PGM5: variants seen among roughly 807,000 people sequenced by gnomAD.
PGM5 encodes phosphoglucomutase-like protein 5.
Under a neutral mutation model 59.2 loss-of-function variants are expected in PGM5, and 23 were observed. The observed-to-expected ratio is 0.39, with a 90% CI of 0.28 to 0.55. The LOEUF is 0.55. Among genes scored for constraint, PGM5 ranks in the 20% least tolerant of loss-of-function variants. The probability of loss-of-function intolerance (pLI) is 0.66; values close to 1 mark genes in which losing one functional copy is unlikely to be tolerated. For missense variants in PGM5, 574 were observed against 748.3 expected (o/e 0.77, Z 2.72); for synonymous variants, 214 against 286.0 (o/e 0.75, Z 2.54).
intron 6 of PGM5, among the ~76,000 whole-genome samples, chr9:68,442,691 T>C (rs185056896): frequency 6.6e-6 from 1 of 152,330 alleles, no homozygotes; most frequent in Admixed American, 6.5e-5. Flanking sequence ...GTATAATCTT[T>C]TCAACATATT....
At chr9:68,431,244 T>C (rs558569415) in intron 6 of PGM5, among the ~76,000 whole-genome samples, 1 of 152,326 alleles carries the variant, frequency 6.6e-6, no homozygotes, top group South Asian at 2.1e-4. Flanking sequence ...GCCTTCCCAC[T>C]ACTCGCCAAC....
chr9:68,464,228 A>T (rs1412487462), intron 6 of PGM5, among the ~76,000 whole-genome samples: 3 of 152,236 alleles, frequency 2.0e-5, no homozygotes, highest in African/African-American at 7.2e-5. Context: ...TAGGTTCCCC[A>T]GGAAGCAGCT....
chr9:68,428,604 G>A (rs1587806516), intron 6 of PGM5: 1 of 152,180 alleles, frequency 6.6e-6, no homozygotes, highest in East Asian at 1.9e-4. Flanking sequence ...AGCCTGTCAG[G>A]AGTATGGAAA....
intron 6 of PGM5, among the ~76,000 whole-genome samples, chr9:68,444,019 GA>G (rs1188112207): frequency 1.1e-4 from 16 of 151,540 alleles, no homozygotes; most frequent in African/African-American, 3.9e-4. Flanking sequence ...ATCTTGAGGA[GA>G]TTGCATGTGC....
intron 6 of PGM5, among the ~76,000 whole-genome samples, chr9:68,434,043 G>A (rs937404368): frequency 7.9e-5 from 12 of 152,144 alleles, no homozygotes; most frequent in African/African-American, 2.2e-4. Flanking sequence ...TGGGCCAGAC[G>A]CAGTGGCTCA....
intron 6 of PGM5, among the ~76,000 whole-genome samples, chr9:68,424,583 C>G (rs1031025630): frequency 6.6e-6 from 1 of 152,188 alleles, no homozygotes. Context: ...AAAGCTATAG[C>G]ACTACTCACA....
At chr9:68,456,649 GA>G (rs1823784017) in intron 6 of PGM5, among the ~76,000 whole-genome samples, 2 of 116,012 alleles carry the variant, frequency 1.7e-5, no homozygotes, top group African/African-American at 6.9e-5. Flanking sequence ...CCTTGAAACA[GA>G]ATATTACTCT....
Position 68,499,276 on chromosome 9 carries a change from G to C in PGM5, c.1529G>C (p.Ser510Thr). Residue 510 changes from serine (S) to threonine (T), a missense_variant, in exon 10 of 11, where the codon AGT (serine) becomes ACT (threonine). Transcript: ENST00000396396. ...GCATCACGGCTCATCTTCCGGCTCA[G>C]TTCCTCCAGTGGTGTGCGGGCCACC... is the stretch of plus-strand genomic sequence containing the variant. Reference protein sequence around the residue: ...SDASRLIFRLSSSSGVRATLR... With the variant: ...SDASRLIFRLTSSSGVRATLR... 2 of 1,614,182 alleles carry C rather than the reference G, an allele frequency of 1.2e-6. No individual in the cohort carries two copies. The highest frequency in any genetic ancestry group is 1.3e-5 in the African/African-American group (1 of 75,014).
chr9:68,383,711 T>A, intron 2 of PGM5, among the ~76,000 whole-genome samples: 1 of 108,148 alleles, frequency 9.2e-6, no homozygotes, highest in African/African-American at 3.5e-5. Flanking sequence ...AAAAAAAATC[T>A]GAAATGGCTT....
intron 6 of PGM5, among the ~76,000 whole-genome samples, chr9:68,406,997 T>A (rs1322911236): frequency 4.2e-4 from 64 of 152,160 alleles, no homozygotes; most frequent in African/African-American, 1.4e-3. Context: ...CAGAGGACTC[T>A]GCTGTGTGAA....
chr9:68,366,998 C>G (rs1280815745), intron 1 of PGM5, among the ~76,000 whole-genome samples: 2 of 152,084 alleles, frequency 1.3e-5, no homozygotes, highest in Non-Finnish European at 2.9e-5. Context: ...TTCCTCTTGA[C>G]TTTTGGCATT....
At chr9:68,482,485 A>C (rs1554687195) in intron 8 of PGM5, among the ~76,000 whole-genome samples, 2 of 152,198 alleles carry the variant, frequency 1.3e-5, no homozygotes, top group Admixed American at 1.3e-4. Flanking sequence ...CCATTGCTAG[A>C]CATGGTATTA....
intron 1 of PGM5, among the ~76,000 whole-genome samples, chr9:68,374,869 T>C (rs1821838943): frequency 6.6e-6 from 1 of 152,226 alleles, no homozygotes. Flanking sequence ...ACATATAATG[T>C]AGAAAATTAG....
chr9:68,378,718 T>G (rs1377666005), intron 2 of PGM5, among the ~76,000 whole-genome samples: 3 of 152,222 alleles, frequency 2.0e-5, no homozygotes, highest in African/African-American at 7.2e-5. Flanking sequence ...GCTGAGTTAC[T>G]GCTGAAGGCC....
At chr9:68,380,001 C>G (rs1822026501) in intron 2 of PGM5, among the ~76,000 whole-genome samples, 1 of 151,828 alleles carries the variant, frequency 6.6e-6, no homozygotes, top group South Asian at 2.1e-4. Context: ...CAATATAACA[C>G]TAATAGGGGA....
At chr9:68,503,205 A>T (rs1824605798) in intron 10 of PGM5, among the ~76,000 whole-genome samples, 1 of 152,220 alleles carries the variant, frequency 6.6e-6, no homozygotes, top group Non-Finnish European at 1.5e-5. Context: ...CAGAATACAG[A>T]TGCTCCTAGA....
intron 6 of PGM5, among the ~76,000 whole-genome samples, chr9:68,422,751 G>A (rs1485574847): frequency 6.6e-6 from 1 of 152,182 alleles, no homozygotes; most frequent in Non-Finnish European, 1.5e-5. Flanking sequence ...ATAGGTTATT[G>A]GGAAACAGGT....
At chr9:68,396,949 C>G (rs189109033) in intron 6 of PGM5, 1 of 152,294 alleles carries the variant, frequency 6.6e-6, no homozygotes, top group Non-Finnish European at 1.5e-5. Flanking sequence ...GGCCTGTACC[C>G]TTGAGGCTGA....
At chr9:68,519,897 C>CAATAAATAAATAAATA (rs58819780) in intron 10 of PGM5, among the ~76,000 whole-genome samples, 155 of 139,858 alleles carry the variant, frequency 1.1e-3, no homozygotes, top group Middle Eastern at 3.5e-3. Flanking sequence ...CTTGTCTTTA[C>CAATAAATAAATAAATA]AATAAATAAA....
Sources: allele counts gnomAD v4.1 joint callset (sites outside exome capture counted in the v4.1 genomes callset), GRCh38; gene constraint gnomAD v4.1.1; transcripts MANE v1.5; gene names NCBI Gene and HGNC (gene_info 2026-07-23, HGNC 2026-07-21).